GPR107: variants seen among roughly 807,000 people sequenced by gnomAD.
GPR107 encodes the protein protein GPR107.
GPR107 carries 31 observed loss-of-function variants against 75.5 expected under a neutral mutation model. The observed-to-expected ratio is 0.41, with a 90% CI of 0.31 to 0.55. The LOEUF is 0.55. GPR107 is among the 20% of genes least tolerant of loss of function. GPR107 has a pLI of 0.26. For synonymous variants in GPR107, 267 were observed against 251.3 expected, an observed-to-expected ratio of 1.06 and a Z score of -0.59; for missense variants, 572 against 665.7, an observed-to-expected ratio of 0.86 and a Z score of 1.55.
intron 1 of GPR107, among the ~76,000 whole-genome samples, chr9:130,066,187 T>C (rs955724214): frequency 5.3e-5 from 8 of 151,976 alleles, no homozygotes; most frequent in Non-Finnish European, 8.8e-5. Context: ...TAATCCCAGC[T>C]ACTTGGGAGG....
intron 17 of GPR107, among the ~76,000 whole-genome samples, chr9:130,134,309 G>A (rs540977824): frequency 9.0e-4 from 137 of 152,316 alleles, no homozygotes; most frequent in African/African-American, 3.3e-3. Flanking sequence ...GGAAAGGGCT[G>A]CCTTGCTCAG....
rs1831899304 is a variant in GPR107 at position 130,134,294 on chromosome 9, C to G, written c.1563-731C>G. On this transcript the variant is annotated intron_variant, in intron 17 of 17. Transcript: ENST00000347136. The stretch of plus-strand genomic sequence containing the variant: ...GTGGGGCCCGTGCATGTGATTCCTT[C>G]TAATGGAAAGGGCTGCCTTGCTCAG... Among the ~76,000 whole-genome samples, 6 of 152,302 alleles carry G rather than the reference C, an allele frequency of 3.9e-5. No individual in the cohort carries two copies. The South Asian group carries it at 1.2e-3, about 32-fold the overall frequency.
intron 17 of GPR107, chr9:130,129,074 AG>A (rs906621995): frequency 2.9e-5 from 6 of 204,030 alleles, no homozygotes; most frequent in Non-Finnish European, 5.9e-5. Context: ...GAGGGAGAAC[AG>A]GGGGCCGACT....
At chr9:130,130,844 T>C (rs1209510786) in intron 17 of GPR107, among the ~76,000 whole-genome samples, 17 of 130,676 alleles carry the variant, frequency 1.3e-4, no homozygotes, top group African/African-American at 4.6e-4. Context: ...CACTCGAGCC[T>C]GGGCGATGAG....
intron 14 of GPR107, among the ~76,000 whole-genome samples, chr9:130,114,888 C>G (rs776813872): frequency 1.3e-5 from 2 of 152,160 alleles, no homozygotes; most frequent in Non-Finnish European, 2.9e-5. Flanking sequence ...TCTTCCTTTG[C>G]CTATTAAGCT....
intron 1 of GPR107, among the ~76,000 whole-genome samples, chr9:130,056,194 G>A (rs1245088023): frequency 1.3e-5 from 2 of 151,944 alleles, no homozygotes; most frequent in Non-Finnish European, 2.9e-5. Flanking sequence ...GCTCACGCCT[G>A]TAATCCCAGC....
intron 17 of GPR107, among the ~76,000 whole-genome samples, chr9:130,134,424 C>T (rs781889764): frequency 1.3e-5 from 2 of 152,204 alleles, no homozygotes; most frequent in Non-Finnish European, 2.9e-5. Flanking sequence ...GACAGAGCCC[C>T]GGGAGCTCAC....
rs1372779685 is a variant in GPR107, at chr9:130,101,374, T to G, written c.1131+151T>G. On this transcript the variant is annotated intron_variant, in intron 12 of 17. Coordinates refer to ENST00000347136, the MANE Select transcript of GPR107 (RefSeq NM_020960.5). ...AGACTGAGATTCTCTTTCTGAATTC[T>G]GAACAGACTTCAGGTCATTGCACTG... 8 of 667,414 alleles carry G rather than the reference T, an allele frequency of 1.2e-5. No individual in the cohort carries two copies. The South Asian group carries it at 1.2e-4, about 10-fold the overall frequency. The allele number at this position is 667,414 out of a possible 1,614,324, so 41.3% of individuals were successfully genotyped here. A position where few individuals can be genotyped will look rare whatever the true frequency, so the allele number is the denominator to read the frequency against.
rs1218999799 is a variant in GPR107 at position 130,074,537 on chromosome 9, T to G, written c.142-1099T>G. ...CCATTGCTCTGTTGGCCCTGCAGTG[T>G]ACTGACTTAGTTGAGATTGGAGTCA... On this transcript the variant is annotated intron_variant, in intron 1 of 17. Transcript: ENST00000347136. Among the ~76,000 whole-genome samples the G allele has an allele frequency of 3.9e-5, 6 of 152,166 alleles. No individual in the cohort carries two copies. The East Asian group carries it at 1.2e-3, about 29-fold the overall frequency.
intron 1 of GPR107, among the ~76,000 whole-genome samples, chr9:130,073,980 C>G (rs1290169349): frequency 1.3e-5 from 2 of 152,286 alleles, no homozygotes; most frequent in South Asian, 2.1e-4. Flanking sequence ...TGGTCTCGAA[C>G]TCCTGACCCC....
intron 6 of GPR107, among the ~76,000 whole-genome samples, chr9:130,084,174 G>A (rs1830559807): frequency 6.6e-6 from 1 of 151,072 alleles, no homozygotes; most frequent in Non-Finnish European, 1.5e-5. Flanking sequence ...GAGGTTGGGG[G>A]ATCACTTGAG....
rs1564679278 is a variant in GPR107, at chr9:130,112,046, T to C, written c.1306+4507T>C. 1.3e-5 allele frequency among the ~76,000 whole-genome samples: 2 copies of C among 152,196 alleles called. No individual in the cohort carries two copies. The highest frequency in any genetic ancestry group is 3.8e-4 in the East Asian group (2 of 5,200). On this transcript the variant is annotated intron_variant, in intron 14 of 17. Coordinates refer to ENST00000347136, the MANE Select transcript of GPR107 (RefSeq NM_020960.5). The surrounding 1 kb of genome is among the most constrained non-coding windows in gnomAD (Gnocchi z 4.0). ...TTGAGCCCGCATCCGCGTTCCCTTC[T>C]CTTTCTCCAGTGTCATTACCTTATA... is the stretch of plus-strand genomic sequence containing the variant.
intron 14 of GPR107, among the ~76,000 whole-genome samples, chr9:130,109,424 GC>G (rs1473546265): frequency 6.6e-6 from 1 of 152,052 alleles, no homozygotes; most frequent in African/African-American, 2.4e-5. Context: ...GCCTGCCTCG[GC>G]CTCCCAAAGT....
rs1293594672 is a variant in GPR107 at position 130,090,942 on chromosome 9, G to A, written c.688G>A (p.Gly230Arg). 6.5e-7 allele frequency: 1 copy of A among 1,549,782 alleles called. No individual in the cohort carries two copies. The highest frequency in any genetic ancestry group is 1.7e-5 in the Admixed American group (1 of 59,726). Residue 230 changes from glycine (G) to arginine (R), a missense_variant, in exon 8 of 18, where the codon GGA becomes AGA. Transcript: ENST00000347136. ...CAGTCTTTATTTTCATAAATGCCTTGGAAAAGAATTGCCAAGTGACAAGTT... is the reference window on the plus strand; with the variant it reads ...CAGTCTTTATTTTCATAAATGCCTTAGAAAAGAATTGCCAAGTGACAAGTT... ...LYSLYFHKCL[G>R]KELPSDKFTF...
intron 14 of GPR107, among the ~76,000 whole-genome samples, chr9:130,121,983 T>C (rs1225354948): frequency 1.3e-5 from 2 of 152,022 alleles, no homozygotes; most frequent in Non-Finnish European, 2.9e-5. Context: ...CTCTGCCTCC[T>C]GGGTTCATGC....
At chr9:130,084,139 C>T (rs1346621557) in intron 6 of GPR107, among the ~76,000 whole-genome samples, 4 of 149,472 alleles carry the variant, frequency 2.7e-5, no homozygotes, top group Admixed American at 1.3e-4. Flanking sequence ...TGGTTCATGC[C>T]GTAATCCCAG....
At chr9:130,074,731 A>T (rs1830300204) in intron 1 of GPR107, among the ~76,000 whole-genome samples, 1 of 151,960 alleles carries the variant, frequency 6.6e-6, no homozygotes, top group Non-Finnish European at 1.5e-5. Context: ...CCCATCATCT[A>T]CTGTATCACT....
intron 17 of GPR107, chr9:130,132,854 C>T (rs1366067588): frequency 1.3e-5 from 2 of 150,708 alleles, no homozygotes; most frequent in African/African-American, 2.5e-5. Flanking sequence ...CATATACAAT[C>T]CACACACTGC....
At chr9:130,095,802 G>A (rs536151030) in intron 9 of GPR107, among the ~76,000 whole-genome samples, 1 of 152,276 alleles carries the variant, frequency 6.6e-6, no homozygotes, top group Admixed American at 6.5e-5. Context: ...GGTCAGTTAA[G>A]TCCTGCCCAT....
Sources: allele counts gnomAD v4.1 joint callset (sites outside exome capture counted in the v4.1 genomes callset), GRCh38; gene constraint gnomAD v4.1.1; non-coding constraint Gnocchi (gnomAD v3.1); transcripts MANE v1.5; gene names NCBI Gene and HGNC (gene_info 2026-07-23, HGNC 2026-07-21).